The following SLMAP variants were observed in gnomAD, a reference collection of about 807,000 sequenced individuals.
SLMAP encodes the protein sarcolemmal membrane-associated protein.
In SLMAP, 44 loss-of-function variants were observed where a neutral mutation model predicts 128.8. The ratio of observed to expected loss-of-function variants is 0.34; its 90% confidence interval spans 0.27 to 0.44. The LOEUF (loss-of-function observed/expected upper bound fraction) is 0.44, where lower values mean the gene tolerates loss of function less well. Among genes scored for constraint, SLMAP ranks in the 20% least tolerant of loss-of-function variants. The probability of loss-of-function intolerance (pLI) is 1.00; values close to 1 mark genes in which losing one functional copy is unlikely to be tolerated. For missense variants in SLMAP, 787 were observed against 985.3 expected (o/e 0.80, Z 2.69); for synonymous variants, 327 against 348.8 (o/e 0.94, Z 0.70).
At chr3:57,853,963 A>T (rs1480046553) in intron 6 of SLMAP, among the ~76,000 whole-genome samples, 16 of 71,826 alleles carry the variant, frequency 2.2e-4, no homozygotes, top group Admixed American at 8.9e-4. Flanking sequence ...AATTATATAT[A>T]TATATATATA....
chr3:57,868,321 A>G (rs924342340), intron 13 of SLMAP, among the ~76,000 whole-genome samples: 1 of 152,094 alleles, frequency 6.6e-6, no homozygotes, highest in Non-Finnish European at 1.5e-5. Context: ...CTGCTGGGCA[A>G]AGTAGCTTGC....
intron 2 of SLMAP, among the ~76,000 whole-genome samples, chr3:57,774,802 G>C (rs1478331572): frequency 6.6e-6 from 1 of 152,072 alleles, no homozygotes; most frequent in Non-Finnish European, 1.5e-5. Context: ...GGGATTACAG[G>C]TGTGAGCCAT....
At chr3:57,776,522 CTTTTTTTTTTTTT>C (rs1553775402) in intron 2 of SLMAP, among the ~76,000 whole-genome samples, 1 of 92,610 alleles carries the variant, frequency 1.1e-5, no homozygotes, top group Non-Finnish European at 2.1e-5. Flanking sequence ...CTCTCTCTCT[CTTTTTTTTTTTTT>C]TTTTTTTTGA....
intron 6 of SLMAP, among the ~76,000 whole-genome samples, chr3:57,855,772 G>A (rs1292031874): frequency 4.6e-5 from 7 of 151,290 alleles, no homozygotes; most frequent in Admixed American, 1.3e-4. Context: ...GGTTGGGTGC[G>A]GGGACTCACA....
At chr3:57,858,406 C>T (rs766122651) in intron 8 of SLMAP, among the ~76,000 whole-genome samples, 14 of 152,178 alleles carry the variant, frequency 9.2e-5, no homozygotes, top group Admixed American at 2.0e-4. Context: ...CATTTGTCCT[C>T]TAGAATTTCC....
intron 4 of SLMAP, among the ~76,000 whole-genome samples, chr3:57,845,362 G>T (rs1211266483): frequency 6.6e-6 from 1 of 152,118 alleles, no homozygotes. Flanking sequence ...GGTGGGTGCT[G>T]GTAGTTAATA....
In SLMAP at chr3:57,884,166, C is replaced by T. The variant is rs574498537; in HGVS notation, c.1301-5875C>T. 2.9e-4 allele frequency among the ~76,000 whole-genome samples: 44 copies of T among 152,202 alleles called. No homozygotes were observed. The Middle Eastern group carries it at 0.01, about 36-fold the overall frequency. Reference sequence around the variant, plus strand: ...CTGGTTTCGAGCTCCTGGGCTCAAGCGATCTGCCTGCCTCGGTCTCCCAAT... The same window carrying T: ...CTGGTTTCGAGCTCCTGGGCTCAAGTGATCTGCCTGCCTCGGTCTCCCAAT... On this transcript the variant is annotated intron_variant, in intron 14 of 24. Coordinates refer to ENST00000671191, the MANE Select transcript of SLMAP (RefSeq NM_001377540.1).
intron 6 of SLMAP, among the ~76,000 whole-genome samples, chr3:57,853,999 A>ATATATATT (rs2094634696): frequency 9.7e-6 from 1 of 103,214 alleles, no homozygotes; most frequent in African/African-American, 3.8e-5. Flanking sequence ...ATATATATAT[A>ATATATATT]TTTACATATA....
At position 57,757,618 on chromosome 3, in the gene SLMAP, C is replaced by G. The variant is rs747117534; in HGVS notation, c.-34C>G. 2 of 1,607,956 alleles carry G rather than the reference C, an allele frequency of 1.2e-6. No individual in the cohort carries two copies. Among genetic ancestry groups the G allele is most frequent in the East Asian group, 4.5e-5 (2 of 44,772 alleles). On this transcript the variant is annotated 5_prime_UTR_variant, in exon 2 of 25. Coordinates refer to ENST00000671191, the MANE Select transcript of SLMAP (RefSeq NM_001377540.1). ...CGGATCCGGAGGAACTCCTCTTTGT[C>G]CCTGGTAGGAGAGACACCCCCAGTC... is the stretch of plus-strand genomic sequence containing the variant.
chr3:57,761,648 G>T (rs1012716860), intron 2 of SLMAP, among the ~76,000 whole-genome samples: 1 of 152,148 alleles, frequency 6.6e-6, no homozygotes, highest in Non-Finnish European at 1.5e-5. Context: ...GTCTAAATTG[G>T]CAGTTTACCT....
At chr3:57,777,069 T>G (rs1205241397) in intron 2 of SLMAP, among the ~76,000 whole-genome samples, 1 of 138,218 alleles carries the variant, frequency 7.2e-6, no homozygotes, top group Non-Finnish European at 1.5e-5. Flanking sequence ...CCAAAGAAAT[T>G]ATGGAAGTAC....
intron 2 of SLMAP, among the ~76,000 whole-genome samples, chr3:57,763,254 C>G (rs968720455): frequency 2.0e-5 from 3 of 150,778 alleles, no homozygotes; most frequent in Admixed American, 6.6e-5. Context: ...TCTAGTCTCA[C>G]GTTTAATTTA....
rs199942083 is a variant in SLMAP, at chr3:57,864,572, A to T, written c.991A>T (p.Ile331Phe). The stretch of plus-strand genomic sequence containing the variant: ...GGTAGCAGAGGGAAAACAAGAGGAA[A>T]TCCAACAGAAGGGACAGGCTGAGAA... ...LKVAEGKQEEIQQKGQAEKKE... is the reference protein window; with the variant it reads ...LKVAEGKQEEFQQKGQAEKKE... Residue 331 changes from isoleucine (I) to phenylalanine (F), a missense_variant, in exon 11 of 25, where the codon ATC becomes TTC. Ile to Phe is a conservative substitution (Grantham distance 21). Around this residue, in one of 2 missense-constraint regions of SLMAP, gnomAD observed 715 missense variants for 843.6 expected, o/e 0.85. Transcript: ENST00000671191. The T allele has an allele frequency of 1.8e-5, 28 of 1,574,274 alleles. No homozygotes were observed. Among genetic ancestry groups the T allele is most frequent in the Non-Finnish European group, 2.1e-5 (25 of 1,169,816 alleles).
In SLMAP at chr3:57,810,258, G is replaced by T. The variant is rs549931445; in HGVS notation, c.199-21125G>T. Among the ~76,000 whole-genome samples, 5 of 152,294 alleles carry T rather than the reference G, an allele frequency of 3.3e-5. No individual in the cohort carries two copies. In the South Asian group the frequency reaches 1.0e-3, roughly 32 times the overall value. On this transcript the variant is annotated intron_variant, in intron 2 of 24. Transcript: ENST00000671191. ...GCAGCATGCCTGTGCACAGTGGTCC[G>T]ACCCCATGCTCGCTTGCTTGCACAC...
intron 14 of SLMAP, among the ~76,000 whole-genome samples, chr3:57,880,714 C>CAAAAAT (rs1313422835): frequency 6.6e-6 from 1 of 150,786 alleles, no homozygotes; most frequent in African/African-American, 2.4e-5. Context: ...CATGTCTCTA[C>CAAAAAT]AAAAATAAAA....
At chr3:57,849,921 C>A (rs572320697) in intron 6 of SLMAP, 105 bp downstream of exon 6, 204 of 719,270 alleles carry the variant, frequency 2.8e-4, no homozygotes, top group Non-Finnish European at 4.4e-4. Flanking sequence ...TGCCTGTAAT[C>A]CCAGGACTTT....
At chr3:57,864,057 C>T (rs748849738) in intron 10 of SLMAP, among the ~76,000 whole-genome samples, 4 of 152,158 alleles carry the variant, frequency 2.6e-5, no homozygotes, top group Non-Finnish European at 5.9e-5. Flanking sequence ...GAGGAATAAC[C>T]CAATGCAGAT....
chr3:57,906,674 A>AAC (rs1338436689), intron 17 of SLMAP, among the ~76,000 whole-genome samples: 2 of 67,470 alleles, frequency 3.0e-5, no homozygotes. Context: ...ATGAAAAAAA[A>AAC]ATATATATAT....
chr3:57,896,744 T>G, intron 16 of SLMAP, 129 bp from the exon 17 acceptor site: 1 of 1,361,986 alleles, frequency 7.3e-7, no homozygotes, highest in East Asian at 2.4e-5. Context: ...GGATATTTTG[T>G]TAAAACTACT....
Sources: gnomAD v4.1 joint callset for allele counts (sites outside exome capture counted in the v4.1 genomes callset) on GRCh38, gnomAD v4.1.1 for gene constraint, gnomAD v4.1.1 regional missense constraint, MANE v1.5 for transcripts, NCBI Gene and HGNC (gene_info 2026-07-23, HGNC 2026-07-21) for gene names.